The following KLF12 variants were observed in gnomAD, a reference collection of about 807,000 sequenced individuals.
KLF12 encodes the protein KLF transcription factor 12.
Under a neutral mutation model 37.8 loss-of-function variants are expected in KLF12, and 9 were observed. The observed-to-expected ratio is 0.24, with a 90% CI of 0.14 to 0.42. KLF12 has a LOEUF of 0.42. Ranked by LOEUF, KLF12 falls within the 10% of genes least tolerant of loss-of-function variation. KLF12 has a pLI of 1.00. For synonymous variants in KLF12, 208 were observed against 202.1 expected (o/e 1.03, Z -0.25); for missense variants, 411 against 516.0 (o/e 0.80, Z 1.97).
chr13:73,994,031 G>A (rs886835864), intron 2 of KLF12, among the ~76,000 whole-genome samples: 1 of 152,206 alleles, frequency 6.6e-6, no homozygotes, highest in African/African-American at 2.4e-5. Context: ...AACAATATCT[G>A]AATCAATATG....
chr13:73,900,772 T>C (rs1048355982), intron 3 of KLF12, among the ~76,000 whole-genome samples: 1 of 152,206 alleles, frequency 6.6e-6, no homozygotes, highest in East Asian at 1.9e-4. Context: ...ACAATAACAC[T>C]GTATTGGCTC....
At chr13:73,936,034 G>A (rs1435655431) in intron 3 of KLF12, among the ~76,000 whole-genome samples, 1 of 152,038 alleles carries the variant, frequency 6.6e-6, no homozygotes, top group Non-Finnish European at 1.5e-5. Context: ...ACATTTGTGA[G>A]CATATAAGAT....
At position 74,076,196 on chromosome 13, in the gene KLF12, A is replaced by G. The variant is rs547602359; in HGVS notation, c.-32+57543T>C. 6.6e-5 allele frequency among the ~76,000 whole-genome samples: 10 copies of G among 152,356 alleles called. 1 individual carries two copies. The South Asian group carries it at 2.1e-3, about 32-fold the overall frequency. On this transcript the variant is annotated intron_variant, in intron 1 of 7. Transcript: ENST00000377669. ...ATTATATTTTTTAAAAGAAAATTTT[A>G]AAAGGTAGATTTACTTTCTTCACTA... is the stretch of plus-strand genomic sequence containing the variant.
At chr13:73,923,370 CT>C (rs1889216736) in intron 3 of KLF12, among the ~76,000 whole-genome samples, 1 of 152,154 alleles carries the variant, frequency 6.6e-6, no homozygotes, top group Non-Finnish European at 1.5e-5. Context: ...ACTTACTATA[CT>C]TCTTATAACT....
chr13:73,920,812 A>G (rs1302111797), intron 3 of KLF12, among the ~76,000 whole-genome samples: 2 of 152,036 alleles, frequency 1.3e-5, no homozygotes, highest in Non-Finnish European at 2.9e-5. Context: ...TGACTTGCTG[A>G]GTATTTTGAA....
At chr13:73,719,403 C>G (rs1876058244) in intron 6 of KLF12, among the ~76,000 whole-genome samples, 1 of 144,260 alleles carries the variant, frequency 6.9e-6, no homozygotes, top group African/African-American at 2.6e-5. Flanking sequence ...ATTTCCAGAA[C>G]CTAGGACATT....
At chr13:73,835,233 C>T (rs1329598384) in intron 4 of KLF12, among the ~76,000 whole-genome samples, 1 of 151,782 alleles carries the variant, frequency 6.6e-6, no homozygotes, top group Non-Finnish European at 1.5e-5. Context: ...TGGGAAAATC[C>T]GGGGGCATGG....
chr13:74,098,729 G>A (rs1876128112), intron 1 of KLF12, among the ~76,000 whole-genome samples: 1 of 152,162 alleles, frequency 6.6e-6, no homozygotes, highest in African/African-American at 2.4e-5. Context: ...TCAGACTTTG[G>A]TAAGCTTTGT....
chr13:74,177,452 T>C, the KLF12 span, among the ~76,000 whole-genome samples: 3 of 152,198 alleles, frequency 2.0e-5, no homozygotes, highest in South Asian at 6.2e-4. Flanking sequence ...AACTTGAAAA[T>C]AGGGAGCCTG....
In KLF12 at chr13:73,902,868, C is replaced by T. The variant is rs868002606; in HGVS notation, c.123+41113G>A. ...AACTAGGATTGCTGAAAGTTTAACA[C>T]AAGGAGAAACCTAAAAAAAATTCTG... On this transcript the variant is annotated intron_variant, in intron 3 of 7. Transcript: ENST00000377669. Among the ~76,000 whole-genome samples, 121 of 152,258 alleles carry T rather than the reference C, an allele frequency of 7.9e-4. 1 individual carries two copies. Among genetic ancestry groups the T allele is most frequent in the African/African-American group, 2.8e-3 (116 of 41,550 alleles).
chr13:74,204,781 C>T, the KLF12 span, among the ~76,000 whole-genome samples: 1 of 152,068 alleles, frequency 6.6e-6, no homozygotes, highest in South Asian at 2.1e-4. Context: ...TTCAGGAATT[C>T]GAGGTTGGTG....
At chr13:74,255,956 C>A in the KLF12 span, among the ~76,000 whole-genome samples, 5 of 151,948 alleles carry the variant, frequency 3.3e-5, no homozygotes, top group Non-Finnish European at 5.9e-5. Flanking sequence ...GAGATCGAGA[C>A]CATCCTGGCT....
At chr13:73,969,029 TA>T (rs58954841) in intron 2 of KLF12, among the ~76,000 whole-genome samples, 11,199 of 147,478 alleles carry the variant, frequency 0.076, 960 homozygotes, top group African/African-American at 0.21. Context: ...CCCCATACTT[TA>T]AAAAAAAAAA....
At chr13:74,241,730 C>A in the KLF12 span, among the ~76,000 whole-genome samples, 1 of 152,208 alleles carries the variant, frequency 6.6e-6, no homozygotes, top group Non-Finnish European at 1.5e-5. Context: ...CCGTCCGTCA[C>A]CCCTTTCTTT....
chr13:73,895,445 T>A (rs1009163025), intron 3 of KLF12, among the ~76,000 whole-genome samples: 3 of 152,224 alleles, frequency 2.0e-5, no homozygotes, highest in Non-Finnish European at 4.4e-5. Context: ...TGTACTTGGT[T>A]TGGGTGATGG....
chr13:73,891,407 T>C (rs1166496635), intron 3 of KLF12, among the ~76,000 whole-genome samples: 2 of 152,142 alleles, frequency 1.3e-5, no homozygotes, highest in African/African-American at 4.8e-5. Flanking sequence ...ACAAGTTGAA[T>C]ACATTAACAT....
intron 1 of KLF12, among the ~76,000 whole-genome samples, chr13:74,086,944 C>T (rs966246322): frequency 1.3e-5 from 2 of 152,050 alleles, no homozygotes; most frequent in Admixed American, 6.6e-5. Flanking sequence ...GACCTCCATC[C>T]TTGTCGTCTT....
chr13:74,050,546 A>C (rs1872846784), intron 1 of KLF12, among the ~76,000 whole-genome samples: 1 of 152,182 alleles, frequency 6.6e-6, no homozygotes, highest in African/African-American at 2.4e-5. Flanking sequence ...TGTACTTGAC[A>C]GACACCTCTG....
chr13:73,764,910 A>G, intron 6 of KLF12, 28 bp downstream of exon 6: 1 of 1,325,256 alleles, frequency 7.5e-7, no homozygotes, highest in Non-Finnish European at 1.1e-6. Context: ...TAAGACCTAC[A>G]AATACTCATA....
Sources: gnomAD v4.1 joint callset for allele counts (sites outside exome capture counted in the v4.1 genomes callset) on GRCh38, gnomAD v4.1.1 for gene constraint, MANE v1.5 for transcripts, NCBI Gene and HGNC (gene_info 2026-07-23, HGNC 2026-07-21) for gene names.